The following SEMA3D variants were observed in gnomAD, a reference collection of about 807,000 sequenced individuals.
SEMA3D encodes semaphorin-3D.
In SEMA3D, 84 loss-of-function variants were observed where a neutral mutation model predicts 100.1. The observed-to-expected ratio is 0.84, with a 90% CI of 0.70 to 1.01. The LOEUF (loss-of-function observed/expected upper bound fraction) is 1.01, where lower values mean the gene tolerates loss of function less well. Among genes scored for constraint, SEMA3D ranks in the 50% least tolerant of loss-of-function variants. SEMA3D has a pLI of 0.00. For missense variants in SEMA3D, 875 were observed against 934.1 expected, an observed-to-expected ratio of 0.94 and a Z score of 0.82; for synonymous variants, 312 against 320.7, an observed-to-expected ratio of 0.97 and a Z score of 0.29.
At chr7:85,130,010 A>G (rs1789678699) in intron 2 of SEMA3D, among the ~76,000 whole-genome samples, 3 of 152,130 alleles carry the variant, frequency 2.0e-5, no homozygotes, top group Admixed American at 2.0e-4. Flanking sequence ...AAATTTATTA[A>G]CACTATTTGT....
At chr7:85,095,914 A>AATAGTCACAGCAT (rs1474964377) in intron 4 of SEMA3D, among the ~76,000 whole-genome samples, 2 of 152,040 alleles carry the variant, frequency 1.3e-5, no homozygotes, top group Non-Finnish European at 2.9e-5. Context: ...ATTTGCTTAA[A>AATAGTCACAGCAT]ATAGTCACAG....
chr7:85,022,430 C>G lies in SEMA3D; in HGVS notation c.1375G>C (p.Ala459Pro). Residue 459 changes from alanine (A) to proline (P), a missense_variant, in exon 13 of 19, where the codon GCA (alanine) becomes CCA (proline). Coordinates refer to ENST00000284136, the MANE Select transcript of SEMA3D (RefSeq NM_001384900.1). ...ATTACATCGTACTGGCCATCTTCTG[C>G]AATGACATGATCCACCACTATCTGT... ...LTQIVVDHVI[A>P]EDGQYDVMFL... 6.2e-7 allele frequency: 1 copy of G among 1,612,318 alleles called. No homozygotes were observed. The highest frequency in any genetic ancestry group is 1.3e-5 in the African/African-American group (1 of 74,906).
chr7:85,208,043 C>A, the SEMA3D span, among the ~76,000 whole-genome samples: 38 of 151,958 alleles, frequency 2.5e-4, no homozygotes, highest in African/African-American at 8.7e-4. Flanking sequence ...TAAATCACTC[C>A]CAATTTACTC....
chr7:85,132,206 CCT>C (rs944584244), intron 2 of SEMA3D, among the ~76,000 whole-genome samples: 5 of 151,412 alleles, frequency 3.3e-5, no homozygotes, highest in African/African-American at 1.2e-4. Flanking sequence ...TTTATAATAC[CCT>C]GTGATTATAT....
In SEMA3D at chr7:84,999,635, G is replaced by GT. The variant is rs1189829561; in HGVS notation, c.2138dup (p.Tyr713Ter). The change falls in exon 19 of 19, where the codon TAC becomes TAAC. Residue 713 changes from tyrosine (Y) to a stop codon, truncating the protein, a stop_gained and frameshift_variant. Transcript: ENST00000284136. LOFTEE classifies it high-confidence loss of function. Reference protein sequence around the residue: ...KDLLAESRLRYKDYIQILSSP... With the variant: ...KDLLAESRLR The stretch of plus-strand genomic sequence containing the variant: ...TGCTAAGGATTTGGATGTAGTCTTT[G>GT]TATCTCAACCGTGACTCAGCCAATA... The GT allele has an allele frequency of 6.2e-7, 1 of 1,613,934 alleles. No individual in the cohort carries two copies. Among genetic ancestry groups the GT allele is most frequent in the Non-Finnish European group, 8.5e-7 (1 of 1,180,012 alleles).
At chr7:85,029,421 T>C in intron 12 of SEMA3D, 1 of 798,500 alleles carries the variant, frequency 1.3e-6, no homozygotes, top group Non-Finnish European at 2.2e-6. Flanking sequence ...CTGCTGAAGA[T>C]GAGAAACTTC....
At chr7:85,181,829 T>C (rs957878226) in intron 1 of SEMA3D, 56 of 816,584 alleles carry the variant, frequency 6.9e-5, no homozygotes, top group Admixed American at 1.9e-4. Flanking sequence ...GTTAAAATTA[T>C]GAAACATGAA....
chr7:85,021,821 A>C (rs1408063451), intron 13 of SEMA3D, among the ~76,000 whole-genome samples: 1 of 151,844 alleles, frequency 6.6e-6, no homozygotes, highest in Non-Finnish European at 1.5e-5. Flanking sequence ...TTTTATAAAA[A>C]CATTTTAATC....
At chr7:85,127,887 A>G (rs1789609991) in intron 2 of SEMA3D, among the ~76,000 whole-genome samples, 1 of 152,094 alleles carries the variant, frequency 6.6e-6, no homozygotes, top group Non-Finnish European at 1.5e-5. Context: ...TTCATGACCC[A>G]GATAATCTTA....
upstream of SEMA3D, among the ~76,000 whole-genome samples, chr7:85,191,402 C>A (rs547049223): frequency 1.3e-5 from 2 of 152,158 alleles, no homozygotes; most frequent in Non-Finnish European, 2.9e-5. Flanking sequence ...AAAAAATCAT[C>A]TTTAAGTTTT....
intron 2 of SEMA3D, among the ~76,000 whole-genome samples, chr7:85,126,256 T>A (rs1789561316): frequency 6.6e-6 from 1 of 152,094 alleles, no homozygotes; most frequent in East Asian, 1.9e-4. Flanking sequence ...CCAAAAGTCA[T>A]TAAGCCAGGA....
chr7:85,049,639 T>C (rs1207551965), intron 9 of SEMA3D, among the ~76,000 whole-genome samples: 1 of 151,762 alleles, frequency 6.6e-6, no homozygotes, highest in Non-Finnish European at 1.5e-5. Flanking sequence ...AGGTTGTAAG[T>C]GACATGCTGA....
chr7:85,232,431 T>C, the SEMA3D span, among the ~76,000 whole-genome samples: 1 of 152,198 alleles, frequency 6.6e-6, no homozygotes, highest in Non-Finnish European at 1.5e-5. Context: ...TAACAAATGA[T>C]TGAAAGATTT....
chr7:85,123,244 G>A (rs2116409139), intron 2 of SEMA3D, among the ~76,000 whole-genome samples: 1 of 152,172 alleles, frequency 6.6e-6, no homozygotes, highest in South Asian at 2.1e-4. Context: ...GCTCCTGCCA[G>A]AGTCTTCAAC....
chr7:85,183,629 G>A (rs1791460686), intron 1 of SEMA3D, among the ~76,000 whole-genome samples: 1 of 152,124 alleles, frequency 6.6e-6, no homozygotes, highest in African/African-American at 2.4e-5. Flanking sequence ...AAAATATAAA[G>A]CAAATCATTA....
At chr7:85,222,135 C>G in the SEMA3D span, among the ~76,000 whole-genome samples, 1 of 152,038 alleles carries the variant, frequency 6.6e-6, no homozygotes, top group South Asian at 2.1e-4. Context: ...ATCTGAAAGT[C>G]TTTATCTCTT....
chr7:85,125,524 T>C (rs138615821), intron 2 of SEMA3D, among the ~76,000 whole-genome samples: 46 of 152,194 alleles, frequency 3.0e-4, no homozygotes, highest in African/African-American at 1.0e-3. Context: ...TAAGACATTC[T>C]GAGAAGTGCC....
chr7:85,217,910 C>G, the SEMA3D span, among the ~76,000 whole-genome samples: 1 of 152,062 alleles, frequency 6.6e-6, no homozygotes, highest in Non-Finnish European at 1.5e-5. Context: ...ATCTCAAGTA[C>G]TCTCTGGTGT....
intron 16 of SEMA3D, among the ~76,000 whole-genome samples, chr7:85,013,503 ATTATT>A (rs1053798401): frequency 6.6e-6 from 1 of 151,738 alleles, no homozygotes; most frequent in African/African-American, 2.4e-5. Context: ...GAAAGGAGTA[ATTATT>A]TTATTAAAAA....
Sources: allele counts gnomAD v4.1 joint callset (sites outside exome capture counted in the v4.1 genomes callset), GRCh38; gene constraint gnomAD v4.1.1; transcripts MANE v1.5; gene names NCBI Gene and HGNC (gene_info 2026-07-23, HGNC 2026-07-21).